Variants in FRAS1 observed in about 807,000 individuals in gnomAD.
The protein encoded by FRAS1 is Fraser extracellular matrix complex subunit 1.
A neutral mutation model predicts 435.2 loss-of-function variants in FRAS1; 290 were observed. The observed-to-expected ratio is 0.67, with a 90% CI of 0.61 to 0.73. The LOEUF is 0.73. Among genes scored for constraint, FRAS1 ranks in the 30% least tolerant of loss-of-function variants. FRAS1 has a pLI of 0.00. For synonymous variants in FRAS1, 1,800 were observed against 1,851.0 expected (o/e 0.97, Z 0.71); for missense variants, 4,860 against 5,001.5 (o/e 0.97, Z 0.85).
chr4:78,247,760 GGCCT>G (rs1258092985), intron 4 of FRAS1, among the ~76,000 whole-genome samples: 2 of 152,172 alleles, frequency 1.3e-5, no homozygotes, highest in African/African-American at 4.8e-5. Context: ...TTCTCTCTTT[GGCCT>G]CTGGCTTGCC....
At chr4:78,264,162 A>C (rs1179900510) in intron 6 of FRAS1, among the ~76,000 whole-genome samples, 1 of 152,180 alleles carries the variant, frequency 6.6e-6, no homozygotes, top group East Asian at 1.9e-4. Context: ...CTGACATTGA[A>C]GAAGGCTGTA....
rs773145025 is a variant in FRAS1 at position 78,537,149 on chromosome 4, G to A, written c.11247G>A (p.Gln3749=). The A allele has an allele frequency of 3.7e-6, 6 of 1,614,036 alleles. No homozygotes were observed. Among genetic ancestry groups the A allele is most frequent in the Non-Finnish European group, 5.1e-6 (6 of 1,179,900 alleles). Residue 3749 remains glutamine, a synonymous_variant, in exon 72 of 74, where the codon CAG becomes CAA. Transcript: ENST00000512123. ...GGACAATCTACAATGAAGGGCCCCA[G>A]TATGGATGCATTCAGCCAAACAAAC... ...PTGTIYNEGP[Q]YGCIQPNKHL... is the part of the protein sequence containing the mutation.
Position 78,059,378 on chromosome 4 carries a change from C to A in FRAS1, c.76+1293C>A, listed in dbSNP as rs771992967. ...TCCAGGTGCTGCCTTCTGCACTCTT[C>A]CGGGATGTGTGTCAAGTGTGTATAA... On this transcript the variant is annotated intron_variant, in intron 1 of 73. Transcript: ENST00000512123. Among the ~76,000 whole-genome samples the A allele has an allele frequency of 1.4e-4, 21 of 152,232 alleles. 1 individual carries two copies. The highest frequency in any genetic ancestry group is 1.0e-3 in the Admixed American group (16 of 15,296).
chr4:78,368,675 T>C (rs772570206), intron 22 of FRAS1, among the ~76,000 whole-genome samples: 2 of 152,140 alleles, frequency 1.3e-5, no homozygotes, highest in African/African-American at 4.8e-5. Flanking sequence ...CAAATGGAAA[T>C]TGCTATACAT....
chr4:78,071,585 G>A (rs1018327594), intron 2 of FRAS1: 4 of 152,162 alleles, frequency 2.6e-5, no homozygotes, highest in Non-Finnish European at 4.4e-5. Context: ...GCCCAGTATC[G>A]TGTAGTAGAG....
At chr4:78,271,354 T>C (rs1041688014) in intron 9 of FRAS1, among the ~76,000 whole-genome samples, 1 of 152,220 alleles carries the variant, frequency 6.6e-6, no homozygotes, top group South Asian at 2.1e-4. Context: ...GGGGTGCATG[T>C]GCACAACGTG....
At chr4:78,186,677 G>A (rs948495252) in intron 2 of FRAS1, among the ~76,000 whole-genome samples, 5 of 152,138 alleles carry the variant, frequency 3.3e-5, no homozygotes, top group East Asian at 1.9e-4. Flanking sequence ...TGATTTCCCA[G>A]TAGACAACAT....
At position 78,218,108 on chromosome 4, in the gene FRAS1, A is replaced by T. The variant is rs966154571; in HGVS notation, c.109-19402A>T. Among the ~76,000 whole-genome samples the T allele has an allele frequency of 3.7e-4, 44 of 117,340 alleles. 1 individual carries two copies. The highest frequency in any genetic ancestry group is 1.4e-3 in the African/African-American group (41 of 29,808). 77.0% of individuals were successfully genotyped at this position (117,340 alleles called of 152,430 possible). A position where few individuals can be genotyped will look rare whatever the true frequency, so the allele number is the denominator to read the frequency against. ...CTCTCTCACTCTCTCTCACACACAC[A>T]CACACACACACACACACACACACAC... On this transcript the variant is annotated intron_variant, in intron 2 of 73. Coordinates refer to ENST00000512123, the MANE Select transcript of FRAS1 (RefSeq NM_025074.7).
rs1722100067 is a variant in FRAS1, at chr4:78,542,812, A to G, written c.*1688A>G. ...GGAGTAAATTTAGGAAGGGGAAGTG[A>G]GAGAGTATGGTGGCAATATCACAAG... On this transcript the variant is annotated 3_prime_UTR_variant, in exon 74 of 74. Transcript: ENST00000512123. 1 of 152,354 alleles carries G rather than the reference A, an allele frequency of 6.6e-6. No homozygotes were observed. The highest frequency in any genetic ancestry group is 1.5e-5 in the Non-Finnish European group (1 of 68,042). The allele number at this position is 152,354 out of a possible 1,614,324, so 9.4% of individuals were successfully genotyped here. A position where few individuals can be genotyped will look rare whatever the true frequency, so the allele number is the denominator to read the frequency against.
At chr4:78,379,605 T>G in intron 26 of FRAS1, 121 bp from the exon 27 acceptor site, 1 of 926,812 alleles carries the variant, frequency 1.1e-6, no homozygotes, top group Admixed American at 2.6e-5. Flanking sequence ...TGTTTCTTAT[T>G]TTGTGTTTAT....
At chr4:78,531,842 A>G (rs1721725778) in intron 70 of FRAS1, among the ~76,000 whole-genome samples, 1 of 152,224 alleles carries the variant, frequency 6.6e-6, no homozygotes, top group Non-Finnish European at 1.5e-5. Context: ...TCTCTGTTCT[A>G]GGTGCTTACA....
At chr4:78,170,126 G>T (rs1578164619) in intron 2 of FRAS1, among the ~76,000 whole-genome samples, 2 of 152,144 alleles carry the variant, frequency 1.3e-5, no homozygotes, top group East Asian at 3.9e-4. Flanking sequence ...TCCCTCAATT[G>T]GGTCTCCTGT....
rs140595058 is a variant in FRAS1 at position 78,508,254 on chromosome 4, G to A, written c.9505-477G>A. Among the ~76,000 whole-genome samples, 134 of 152,198 alleles carry A rather than the reference G, an allele frequency of 8.8e-4. 1 individual carries two copies. In the Middle Eastern group the frequency reaches 0.024, roughly 27 times the overall value. On this transcript the variant is annotated intron_variant, in intron 62 of 73. Coordinates refer to ENST00000512123, the MANE Select transcript of FRAS1 (RefSeq NM_025074.7). ...AATCAGAAGAAGCCTTCTGACTTCC[G>A]CTAACTTGTCTCATATATTAGAAAA...
rs1041688026 is a variant in FRAS1, at chr4:78,128,013, T to C, written c.108+61997T>C. 7.2e-5 allele frequency among the ~76,000 whole-genome samples: 11 copies of C among 151,952 alleles called. 1 individual carries two copies. Among genetic ancestry groups the C allele is most frequent in the African/African-American group, 2.7e-4 (11 of 41,406 alleles). The stretch of plus-strand genomic sequence containing the variant: ...TGAGAACATGAGGTGTTTGGTTTTT[T>C]GTCCTTGAGATAGTTTGCTGAGGAT... On this transcript the variant is annotated intron_variant, in intron 2 of 73. Coordinates refer to ENST00000512123, the MANE Select transcript of FRAS1 (RefSeq NM_025074.7).
rs750641160 is a variant in FRAS1, at chr4:78,282,807, C to T, written c.1108-13C>T. The T allele has an allele frequency of 3.1e-6, 5 of 1,612,896 alleles. No individual in the cohort carries two copies. In the African/African-American group the frequency reaches 6.7e-5, roughly 22 times the overall value. On this transcript the variant is annotated splice_polypyrimidine_tract_variant and intron_variant, in intron 11 of 73. Coordinates refer to ENST00000512123, the MANE Select transcript of FRAS1 (RefSeq NM_025074.7). ...ATCCTGATGACAATGCTGTTCTTCA[C>T]TTTTTTGCGTAGGAGGGAGAGAAGT...
chr4:78,286,898 A>G (rs768356033), intron 14 of FRAS1, among the ~76,000 whole-genome samples: 13 of 151,992 alleles, frequency 8.6e-5, no homozygotes, highest in Non-Finnish European at 1.3e-4. Context: ...ATACTTGGCC[A>G]TTTTTTCAAT....
At chr4:78,104,554 T>C (rs1220825469) in intron 2 of FRAS1, among the ~76,000 whole-genome samples, 1 of 152,244 alleles carries the variant, frequency 6.6e-6, no homozygotes. Flanking sequence ...GTTCACCATA[T>C]GTACTTTTTC....
In FRAS1 at chr4:78,541,591, T is replaced by C. The variant is rs1289725675; in HGVS notation, c.*467T>C. On this transcript the variant is annotated 3_prime_UTR_variant, in exon 74 of 74. Coordinates refer to ENST00000512123, the MANE Select transcript of FRAS1 (RefSeq NM_025074.7). ...AGAGTATGAACTGCTGACACCCAGA[T>C]TCCATTAAAAATTCTGCTAATCGAC... The C allele has an allele frequency of 1.3e-5, 2 of 153,076 alleles. No individual in the cohort carries two copies. Among genetic ancestry groups the C allele is most frequent in the Admixed American group, 1.3e-4 (2 of 15,296 alleles). 9.5% of individuals were successfully genotyped at this position (153,076 alleles called of 1,614,324 possible).
chr4:78,295,279 G>T (rs1728095085), intron 14 of FRAS1, among the ~76,000 whole-genome samples: 1 of 152,030 alleles, frequency 6.6e-6, no homozygotes, highest in Non-Finnish European at 1.5e-5. Context: ...GGGTCCAAAG[G>T]TTTATGTACA....
Sources: gnomAD v4.1 joint callset for allele counts (sites outside exome capture counted in the v4.1 genomes callset) on GRCh38, gnomAD v4.1.1 for gene constraint, MANE v1.5 for transcripts, NCBI Gene and HGNC (gene_info 2026-07-23, HGNC 2026-07-21) for gene names.